Variants in GRIA1 observed in about 807,000 individuals in gnomAD.
GRIA1 encodes glutamate receptor 1.
In GRIA1, 31 loss-of-function variants were observed where a neutral mutation model predicts 99.2. That is an observed-to-expected ratio of 0.31 (90% CI 0.23 to 0.42). The LOEUF (loss-of-function observed/expected upper bound fraction) is 0.42. GRIA1 is among the 10% of genes least tolerant of loss of function. The probability of loss-of-function intolerance (pLI) is 1.00; values close to 1 mark genes in which losing one functional copy is unlikely to be tolerated. For synonymous variants in GRIA1, 438 were observed against 432.4 expected (o/e 1.01, Z -0.16); for missense variants, 782 against 1,157.5 (o/e 0.68, Z 4.71).
intron 2 of GRIA1, among the ~76,000 whole-genome samples, chr5:153,507,059 G>T (rs919180600): frequency 3.3e-5 from 5 of 152,104 alleles, no homozygotes; most frequent in African/African-American, 9.7e-5. Flanking sequence ...GGAGGTGGAG[G>T]TTGCAGTGAG....
At chr5:153,683,616 C>G (rs1757139417) in intron 7 of GRIA1, among the ~76,000 whole-genome samples, 1 of 152,162 alleles carries the variant, frequency 6.6e-6, no homozygotes, top group Admixed American at 6.5e-5. Context: ...CTGAGGAAGG[C>G]AGTAAAAGTG....
At chr5:153,738,573 C>T (rs1351634528) in intron 11 of GRIA1, among the ~76,000 whole-genome samples, 1 of 152,132 alleles carries the variant, frequency 6.6e-6, no homozygotes. Flanking sequence ...TCACCCCCTG[C>T]ATCCAATCAA....
chr5:153,502,920 A>T (rs1755145813), intron 2 of GRIA1, among the ~76,000 whole-genome samples: 1 of 152,210 alleles, frequency 6.6e-6, no homozygotes, highest in Admixed American at 6.5e-5. Context: ...AGTACTAAGG[A>T]TACATTTTCC....
chr5:153,626,866 G>A (rs1581359372), intron 2 of GRIA1, among the ~76,000 whole-genome samples: 2 of 152,248 alleles, frequency 1.3e-5, no homozygotes, highest in East Asian at 1.9e-4. Context: ...TAGGAAATAC[G>A]ATGGACAAGG....
At chr5:153,692,670 C>T (rs1354475008) in intron 8 of GRIA1, among the ~76,000 whole-genome samples, 1 of 152,148 alleles carries the variant, frequency 6.6e-6, no homozygotes, top group African/African-American at 2.4e-5. Flanking sequence ...TATGTATTTT[C>T]TTCATACTTC....
At chr5:153,571,350 G>C (rs1465545177) in intron 2 of GRIA1, among the ~76,000 whole-genome samples, 1 of 152,028 alleles carries the variant, frequency 6.6e-6, no homozygotes, top group Non-Finnish European at 1.5e-5. Flanking sequence ...TTTTTTTTCT[G>C]TAAAGGCCCC....
At chr5:153,756,193 A>G (rs1304608341) in intron 11 of GRIA1, among the ~76,000 whole-genome samples, 6 of 152,244 alleles carry the variant, frequency 3.9e-5, no homozygotes, top group Admixed American at 3.9e-4. Context: ...TTGCCTGTCC[A>G]TAGGAACCTC....
chr5:153,793,496 A>G (rs544600617), intron 13 of GRIA1, among the ~76,000 whole-genome samples: 69 of 152,350 alleles, frequency 4.5e-4, no homozygotes, highest in Admixed American at 2.3e-3. Flanking sequence ...GAGGCATGTT[A>G]TGTCCTGAAA....
chr5:153,638,259 C>A lies in GRIA1; in HGVS notation c.221-8669C>A, dbSNP rs928393751. Among the ~76,000 whole-genome samples the A allele has an allele frequency of 2.0e-5, 3 of 152,270 alleles. No individual in the cohort carries two copies. The East Asian group carries it at 5.8e-4, about 29-fold the overall frequency. The stretch of plus-strand genomic sequence containing the variant: ...TACCACTCTATTCCACAGTGTCTAG[C>A]CCATAGAGGAAAGACAAGGACTGAG... On this transcript the variant is annotated intron_variant, in intron 2 of 15. Coordinates refer to ENST00000285900, the MANE Select transcript of GRIA1 (RefSeq NM_000827.4).
At chr5:153,776,072 G>A (rs996789019) in intron 13 of GRIA1, among the ~76,000 whole-genome samples, 1 of 152,184 alleles carries the variant, frequency 6.6e-6, no homozygotes, top group Non-Finnish European at 1.5e-5. Context: ...TTTACAGGGA[G>A]GGACATGATT....
intron 4 of GRIA1, 54 bp from the exon 5 acceptor site, chr5:153,655,765 C>T (rs1037986986): frequency 7.5e-5 from 111 of 1,473,652 alleles, no homozygotes; most frequent in Non-Finnish European, 9.5e-5. Flanking sequence ...CTGTTGTTGT[C>T]GTGGCTTTAA....
At chr5:153,785,414 A>G (rs1246917663) in intron 13 of GRIA1, among the ~76,000 whole-genome samples, 1 of 152,214 alleles carries the variant, frequency 6.6e-6, no homozygotes, top group Non-Finnish European at 1.5e-5. Flanking sequence ...GTATCAGTAA[A>G]ATTACAAAAA....
chr5:153,493,999 C>T lies in GRIA1; in HGVS notation c.154C>T (p.Pro52Ser). 1 of 1,613,962 alleles carries T rather than the reference C, an allele frequency of 6.2e-7. No homozygotes were observed. The highest frequency in any genetic ancestry group is 8.5e-7 in the Non-Finnish European group (1 of 1,179,914). Residue 52 changes from proline (P) to serine (S), a missense_variant, in exon 2 of 16, where the codon CCC becomes TCC. Around this residue, in one of 5 missense-constraint regions of GRIA1, gnomAD observed 461 missense variants for 521.7 expected, o/e 0.88. Coordinates refer to ENST00000285900, the MANE Select transcript of GRIA1 (RefSeq NM_000827.4). ...FRFALSQLTE[P>S]PKLLPQIDIV... ...ATTTGCTTTGTCGCAACTCACAGAGCCCCCGAAGCTGCTCCCCCAGATTGA... is the reference window on the plus strand; with the variant it reads ...ATTTGCTTTGTCGCAACTCACAGAGTCCCCGAAGCTGCTCCCCCAGATTGA...
At chr5:153,657,413 A>G (rs955761132) in intron 5 of GRIA1, among the ~76,000 whole-genome samples, 1 of 152,206 alleles carries the variant, frequency 6.6e-6, no homozygotes, top group African/African-American at 2.4e-5. Flanking sequence ...CCATGTTTCC[A>G]TTAAGAAGTG....
chr5:153,585,605 G>A (rs1029926759), intron 2 of GRIA1, among the ~76,000 whole-genome samples: 3 of 151,904 alleles, frequency 2.0e-5, no homozygotes, highest in East Asian at 1.9e-4. Flanking sequence ...CACTGTGCCC[G>A]GCCCCTGTCC....
chr5:153,704,662 G>A (rs1006768610), intron 10 of GRIA1, among the ~76,000 whole-genome samples: 2 of 152,136 alleles, frequency 1.3e-5, no homozygotes, highest in Non-Finnish European at 2.9e-5. Flanking sequence ...TTATTCCCAT[G>A]GTTCCCTCCT....
In GRIA1 at chr5:153,646,957, G is replaced by T; in HGVS notation, c.250G>T (p.Ala84Ser). ...TTCCCAGTTCTCCAAAGGAGTCTATGCCATCTTTGGGTTTTATGAACGTAG... is the reference window on the plus strand; with the variant it reads ...TTCCCAGTTCTCCAAAGGAGTCTATTCCATCTTTGGGTTTTATGAACGTAG... ...FCSQFSKGVYAIFGFYERRTV... is the reference protein window; with the variant it reads ...FCSQFSKGVYSIFGFYERRTV... The change falls in exon 3 of 16, where the codon GCC (alanine) becomes TCC (serine). Residue 84 changes from alanine (A) to serine (S), a missense_variant. Ala to Ser is a moderately conservative substitution (Grantham distance 99). This residue lies in a region of GRIA1 where 461 missense variants were observed against 521.7 expected (regional missense o/e 0.88). Coordinates refer to ENST00000285900, the MANE Select transcript of GRIA1 (RefSeq NM_000827.4). 6.2e-7 allele frequency: 1 copy of T among 1,613,794 alleles called. No individual in the cohort carries two copies. Among genetic ancestry groups the T allele is most frequent in the Non-Finnish European group, 8.5e-7 (1 of 1,179,770 alleles).
chr5:153,800,142 C>T (rs1460703042), intron 14 of GRIA1, among the ~76,000 whole-genome samples: 1 of 152,164 alleles, frequency 6.6e-6, no homozygotes, highest in Non-Finnish European at 1.5e-5. Context: ...TCAGCAGCCT[C>T]CAGCTTTCTT....
At chr5:153,673,360 C>T (rs1317556615) in intron 5 of GRIA1, among the ~76,000 whole-genome samples, 7 of 152,162 alleles carry the variant, frequency 4.6e-5, no homozygotes, top group Non-Finnish European at 4.4e-5. Flanking sequence ...TCATTGCTAC[C>T]GCAGAGTATA....
Sources: gnomAD v4.1 joint callset for allele counts (sites outside exome capture counted in the v4.1 genomes callset) on GRCh38, gnomAD v4.1.1 for gene constraint, gnomAD v4.1.1 regional missense constraint, MANE v1.5 for transcripts, NCBI Gene and HGNC (gene_info 2026-07-23, HGNC 2026-07-21) for gene names.